The following IYD variants were observed in gnomAD, a reference collection of about 807,000 sequenced individuals.
The protein encoded by IYD is iodotyrosine deiodinase, also known as iodotyrosine deiodinase 1.
Under a neutral mutation model 28.4 loss-of-function variants are expected in IYD, and 25 were observed. That is an observed-to-expected ratio of 0.88 (90% CI 0.64 to 1.23). The LOEUF (loss-of-function observed/expected upper bound fraction) is 1.23, where lower values mean the gene tolerates loss of function less well. Ranked by LOEUF, IYD falls within the 50% of genes most tolerant of loss-of-function variation. The probability of loss-of-function intolerance (pLI) is 0.00; values close to 1 mark genes in which losing one functional copy is unlikely to be tolerated. For synonymous variants in IYD, 140 were observed against 130.8 expected (o/e 1.07, Z -0.48); for missense variants, 352 against 357.9 (o/e 0.98, Z 0.13).
At chr6:150,385,771 C>G (rs189161495) in intron 1 of IYD, among the ~76,000 whole-genome samples, 7 of 151,890 alleles carry the variant, frequency 4.6e-5, no homozygotes, top group Admixed American at 3.3e-4. Flanking sequence ...GTTGCTTTCT[C>G]TTTTAGGAAA....
At chr6:150,393,727 CT>C (rs35021894) in intron 3 of IYD, among the ~76,000 whole-genome samples, 2 of 152,276 alleles carry the variant, frequency 1.3e-5, no homozygotes, top group East Asian at 1.9e-4. Flanking sequence ...AGTTCCCTTC[CT>C]TTTTTCTATA....
intron 4 of IYD, chr6:150,396,679 C>G (rs1778327176): frequency 8.1e-6 from 3 of 371,322 alleles, no homozygotes; most frequent in Non-Finnish European, 1.4e-5. Context: ...TCGAGACCAT[C>G]CTGGCTAACA....
rs76900705 is a variant in IYD at position 150,383,356 on chromosome 6, C to G, written c.179-5996C>G. 5.5e-3 allele frequency among the ~76,000 whole-genome samples: 834 copies of G among 152,270 alleles called. 5 individuals are homozygous for G. Among genetic ancestry groups the G allele is most frequent in the African/African-American group, 0.019 (791 of 41,556 alleles). On this transcript the variant is annotated intron_variant, in intron 1 of 4. Coordinates refer to ENST00000344419, the MANE Select transcript of IYD (RefSeq NM_203395.3). ...CATCCTTTATCTCAGATCAACCTCA[C>G]AGCTGTTTCTTGGTAATTGGAAAAT...
At chr6:150,377,855 A>G (rs189169992) in intron 1 of IYD, among the ~76,000 whole-genome samples, 134 of 152,330 alleles carry the variant, frequency 8.8e-4, no homozygotes, top group African/African-American at 2.9e-3. Flanking sequence ...TGACACCTTG[A>G]TAAAGTTCAG....
intron 3 of IYD, among the ~76,000 whole-genome samples, chr6:150,393,600 ACTT>A (rs1188838069): frequency 6.6e-6 from 1 of 152,246 alleles, no homozygotes; most frequent in African/African-American, 2.4e-5. Flanking sequence ...CTAGAATAAA[ACTT>A]CTGCCAAAAT....
chr6:150,379,106 A>G (rs967276146), intron 1 of IYD, among the ~76,000 whole-genome samples: 3 of 152,090 alleles, frequency 2.0e-5, no homozygotes, highest in Non-Finnish European at 2.9e-5. Flanking sequence ...GCCCACCCCC[A>G]ATAGTTCATC....
intron 1 of IYD, among the ~76,000 whole-genome samples, chr6:150,380,788 T>C (rs905498581): frequency 6.6e-6 from 1 of 152,170 alleles, no homozygotes; most frequent in East Asian, 1.9e-4. Flanking sequence ...TCCCAACTCC[T>C]CAAACAGCAT....
At chr6:150,372,304 T>C (rs1261279402) in intron 1 of IYD, among the ~76,000 whole-genome samples, 1 of 144,046 alleles carries the variant, frequency 6.9e-6, no homozygotes, top group Non-Finnish European at 1.5e-5. Context: ...CCATGCTTAT[T>C]AGACATGTGT....
chr6:150,373,120 A>G (rs766689877), intron 1 of IYD, among the ~76,000 whole-genome samples: 4 of 152,212 alleles, frequency 2.6e-5, no homozygotes, highest in Non-Finnish European at 4.4e-5. Context: ...TCCAAAAGCT[A>G]TTATTCTAAC....
At chr6:150,379,824 C>A (rs1582777702) in intron 1 of IYD, among the ~76,000 whole-genome samples, 1 of 152,186 alleles carries the variant, frequency 6.6e-6, no homozygotes, top group South Asian at 2.1e-4. Context: ...TGGGTCCATT[C>A]ATTCCCCCTG....
At chr6:150,390,777 C>A (rs1295643260) in intron 2 of IYD, among the ~76,000 whole-genome samples, 3 of 152,182 alleles carry the variant, frequency 2.0e-5, no homozygotes, top group African/African-American at 7.2e-5. Flanking sequence ...CTGGCCCCTA[C>A]TCTCACCAGA....
rs765776838 is a variant in IYD, at chr6:150,369,158, T to C, written c.127T>C (p.Trp43Arg). The C allele has an allele frequency of 6.2e-7, 1 of 1,613,800 alleles. No individual in the cohort carries two copies. The highest frequency in any genetic ancestry group is 8.5e-7 in the Non-Finnish European group (1 of 1,179,976). ...TAGAACCAGGGCCGAAGCTCGCCCCTGGGTGGATGAAGACTTAAAAGACAG... is the reference window on the plus strand; with the variant it reads ...TAGAACCAGGGCCGAAGCTCGCCCCCGGGTGGATGAAGACTTAAAAGACAG... ...EPRTRAEARP[W>R]VDEDLKDSSD... Residue 43 changes from tryptophan (W) to arginine (R), a missense_variant, in exon 1 of 5, where the codon TGG becomes CGG. Transcript: ENST00000344419.
rs536762015 is a variant in IYD, at chr6:150,382,526, C to T, written c.179-6826C>T. On this transcript the variant is annotated intron_variant, in intron 1 of 4. Coordinates refer to ENST00000344419, the MANE Select transcript of IYD (RefSeq NM_203395.3). ...ATTTTGGAAAAATTTCAGCCATTGCCTTTTCAGATATTGCCTCTGGCCCAT... is the reference window on the plus strand; with the variant it reads ...ATTTTGGAAAAATTTCAGCCATTGCTTTTTCAGATATTGCCTCTGGCCCAT... Among the ~76,000 whole-genome samples the T allele has an allele frequency of 1.5e-4, 23 of 152,206 alleles. No homozygotes were observed. The East Asian group carries it at 4.3e-3, about 28-fold the overall frequency.
intron 1 of IYD, among the ~76,000 whole-genome samples, chr6:150,376,964 C>T (rs556256624): frequency 1.6e-4 from 24 of 152,142 alleles, no homozygotes; most frequent in Admixed American, 1.0e-3. Flanking sequence ...AGTCAGATAG[C>T]GAAATTCCAG....
intron 1 of IYD, among the ~76,000 whole-genome samples, chr6:150,378,165 CTTTTT>C (rs1181352129): frequency 6.6e-6 from 1 of 152,024 alleles, no homozygotes; most frequent in Non-Finnish European, 1.5e-5. Context: ...CTCTTCCTTT[CTTTTT>C]ATTTTATTTT....
intron 1 of IYD, among the ~76,000 whole-genome samples, chr6:150,387,921 A>T (rs1225669764): frequency 2.0e-5 from 3 of 151,820 alleles, no homozygotes; most frequent in Admixed American, 1.3e-4. Context: ...CTCTAAATAC[A>T]GTAATCATAG....
chr6:150,388,705 C>CTTT (rs34498269), intron 1 of IYD, among the ~76,000 whole-genome samples: 11 of 92,714 alleles, frequency 1.2e-4, no homozygotes, highest in African/African-American at 1.7e-4. Context: ...CTTCCTTTCT[C>CTTT]TTTTTTTTTT....
At position 150,399,576 on chromosome 6, in the gene IYD, C is replaced by G. The variant is rs1778444766; in HGVS notation, c.*1339C>G. The G allele has an allele frequency of 6.6e-6, 1 of 152,220 alleles. No homozygotes were observed. Among genetic ancestry groups the G allele is most frequent in the African/African-American group, 2.4e-5 (1 of 41,444 alleles). The allele number at this position is 152,220 out of a possible 1,614,324, so 9.4% of individuals were successfully genotyped here. ...CTCTACTCACCTCTTTTTCCCCTTT[C>G]CCTGTGCGTTTCTTCTTCTTGTCCT... On this transcript the variant is annotated 3_prime_UTR_variant, in exon 5 of 5. Coordinates refer to ENST00000344419, the MANE Select transcript of IYD (RefSeq NM_203395.3).
chr6:150,381,596 C>T (rs1049647295), intron 1 of IYD, among the ~76,000 whole-genome samples: 5 of 152,170 alleles, frequency 3.3e-5, no homozygotes, highest in African/African-American at 1.2e-4. Flanking sequence ...CATAAACACC[C>T]ATATGTCCTT....
Sources: gnomAD v4.1 joint callset for allele counts (sites outside exome capture counted in the v4.1 genomes callset) on GRCh38, gnomAD v4.1.1 for gene constraint, MANE v1.5 for transcripts, NCBI Gene and HGNC (gene_info 2026-07-23, HGNC 2026-07-21) for gene names.